Variants in MICAL2 observed in about 807,000 individuals in gnomAD.
The protein encoded by MICAL2 is microtubule associated monooxygenase, calponin and LIM domain containing 2.
In MICAL2, 77 loss-of-function variants were observed where a neutral mutation model predicts 127.3. That is an observed-to-expected ratio of 0.60 (90% CI 0.50 to 0.73). The LOEUF (loss-of-function observed/expected upper bound fraction) is 0.73. Ranked by LOEUF, MICAL2 falls within the 30% of genes least tolerant of loss-of-function variation. The pLI, the probability that MICAL2 is intolerant of heterozygous loss-of-function variation, is 0.00. For missense variants in MICAL2, 1,351 were observed against 1,434.4 expected (o/e 0.94, Z 0.94); for synonymous variants, 570 against 551.1 (o/e 1.03, Z -0.48).
intron 1 of MICAL2, among the ~76,000 whole-genome samples, chr11:12,277,340 G>A (rs1863732680): frequency 6.6e-6 from 1 of 152,096 alleles, no homozygotes; most frequent in South Asian, 2.1e-4. Context: ...GCTACAGCAT[G>A]TCACAAGGCC....
chr11:12,261,302 G>T, intron 26 of MICAL2: 1 of 985,526 alleles, frequency 1.0e-6, no homozygotes, highest in Non-Finnish European at 1.2e-6. Context: ...CTGACCTCCA[G>T]GGGAAGCTCT....
intron 21 of MICAL2, 106 bp downstream of exon 21, chr11:12,244,218 A>T (rs1280221262): frequency 1.4e-6 from 2 of 1,473,640 alleles, no homozygotes; most frequent in African/African-American, 2.8e-5. Context: ...TGGCTGGAAT[A>T]AAAATTTGTA....
chr11:12,204,937 A>C (rs997800178), intron 4 of MICAL2, among the ~76,000 whole-genome samples: 2 of 152,214 alleles, frequency 1.3e-5, no homozygotes, highest in African/African-American at 4.8e-5. Flanking sequence ...AAGACCTTCC[A>C]TACAAAGGAG....
rs117732607 is a variant in MICAL2 at position 12,151,307 on chromosome 11, T to C, written c.-77-10772T>C. 5.9e-3 allele frequency among the ~76,000 whole-genome samples: 894 copies of C among 152,220 alleles called. 13 individuals are homozygous for C. The highest frequency in any genetic ancestry group is 0.053 in the East Asian group (275 of 5,176). On this transcript the variant is annotated intron_variant, in intron 2 of 27. Transcript: ENST00000683283. ...CTTTTGCAGAACACTAAGGTACTAA[T>C]AGAAGGTAAAATGTAAAATGACGGA... is the stretch of plus-strand genomic sequence containing the variant.
exon 35 of MICAL2, chr11:12,358,393 G>A (rs1939161177): frequency 1.2e-6 from 2 of 1,614,050 alleles, no homozygotes; most frequent in African/African-American, 2.7e-5. Context: ...CGATTCCTTA[G>A]AGGAACAACG....
At chr11:12,325,532 T>C (rs1864345007) in intron 31 of MICAL2, among the ~76,000 whole-genome samples, 1 of 152,210 alleles carries the variant, frequency 6.6e-6, no homozygotes, top group Non-Finnish European at 1.5e-5. Flanking sequence ...AGCTGAGAAG[T>C]CCAAGATCAA....
chr11:12,258,598 C>G, intron 25 of MICAL2, 42 bp downstream of exon 25: 1 of 1,569,484 alleles, frequency 6.4e-7, no homozygotes, highest in Non-Finnish European at 8.7e-7. Context: ...GGGAAGGCCC[C>G]TTGATAAGGG....
chr11:12,358,683 CT>C, downstream of MICAL2: 1 of 402,536 alleles, frequency 2.5e-6, no homozygotes, highest in Non-Finnish European at 4.3e-6. Flanking sequence ...AACCCAAAGA[CT>C]CTTTGGCAAT....
intron 3 of MICAL2, among the ~76,000 whole-genome samples, chr11:12,192,294 G>A (rs1253775463): frequency 6.6e-6 from 1 of 152,176 alleles, no homozygotes; most frequent in Non-Finnish European, 1.5e-5. Flanking sequence ...GCAGCCTCCT[G>A]GGCACCCAGG....
At chr11:12,152,133 C>A (rs928695568) in intron 2 of MICAL2, among the ~76,000 whole-genome samples, 81 of 123,450 alleles carry the variant, frequency 6.6e-4, no homozygotes, top group Admixed American at 8.0e-4. Context: ...ACTAAAAATA[C>A]AAAAAAAAAA....
Position 12,191,659 on chromosome 11 carries a change from C to T in MICAL2, c.265-12591C>T, listed in dbSNP as rs562666641. 3.6e-4 allele frequency among the ~76,000 whole-genome samples: 54 copies of T among 152,036 alleles called. 1 individual carries two copies. In the South Asian group the frequency reaches 9.6e-3, roughly 27 times the overall value. On this transcript the variant is annotated intron_variant, in intron 3 of 27. Coordinates refer to ENST00000683283, the MANE Select transcript of MICAL2 (RefSeq NM_001282663.2). ...GTGCACACCTGTAGTCCCAGCTACT[C>T]GGGAAGCTGAGATGGGAGGATTGCT...
intron 1 of MICAL2, among the ~76,000 whole-genome samples, chr11:12,118,992 C>A (rs1054181800): frequency 2.6e-5 from 4 of 152,190 alleles, no homozygotes; most frequent in African/African-American, 9.7e-5. Flanking sequence ...TCTTTCCCTG[C>A]AGAAGGCAGC....
At chr11:12,358,303 A>G in exon 35 of MICAL2, 11 of 1,613,526 alleles carry the variant, frequency 6.8e-6, no homozygotes, top group Non-Finnish European at 9.3e-6. Context: ...AGAGAGCCAG[A>G]AAGATGAGAA....
At position 12,243,979 on chromosome 11, in the gene MICAL2, C is replaced by G; in HGVS notation, c.2659-8C>G. The G allele has an allele frequency of 6.2e-7, 1 of 1,613,666 alleles. No homozygotes were observed. The highest frequency in any genetic ancestry group is 2.2e-5 in the East Asian group (1 of 44,876). ...AATCCTTGTTTCTTCTATTTCTGTT[C>G]TGTGCAGAATAAACTACTCTCTAAA... On this transcript the variant is annotated splice_region_variant and splice_polypyrimidine_tract_variant and intron_variant, in intron 20 of 27. Coordinates refer to ENST00000683283, the MANE Select transcript of MICAL2 (RefSeq NM_001282663.2).
chr11:12,274,141 CTG>C (rs762568589), upstream of MICAL2, among the ~76,000 whole-genome samples: 2 of 152,060 alleles, frequency 1.3e-5, no homozygotes, highest in African/African-American at 2.4e-5. Flanking sequence ...AAGAATGACA[CTG>C]TGGAGAGGGA....
chr11:12,335,784 G>A (rs952132854), intron 32 of MICAL2, among the ~76,000 whole-genome samples: 1 of 152,138 alleles, frequency 6.6e-6, no homozygotes. Context: ...CATTATTTCT[G>A]AGAGCTCTGT....
intron 7 of MICAL2, among the ~76,000 whole-genome samples, chr11:12,215,488 G>A (rs559128530): frequency 6.6e-6 from 1 of 152,314 alleles, no homozygotes; most frequent in East Asian, 1.9e-4. Context: ...ACAGCGTGCT[G>A]GCCCTATCCC....
chr11:12,314,911 A>G (rs1031475843), intron 29 of MICAL2, among the ~76,000 whole-genome samples: 3 of 152,124 alleles, frequency 2.0e-5, no homozygotes, highest in Non-Finnish European at 4.4e-5. Flanking sequence ...CTGAATGTGC[A>G]TGGATTCATG....
chr11:12,295,103 A>G (rs370389308), downstream of MICAL2, among the ~76,000 whole-genome samples: 1 of 151,796 alleles, frequency 6.6e-6, no homozygotes, highest in Non-Finnish European at 1.5e-5. Context: ...CTTTCTTTCC[A>G]TAGGAATATT....
Sources: gnomAD v4.1 joint callset for allele counts (sites outside exome capture counted in the v4.1 genomes callset) on GRCh38, gnomAD v4.1.1 for gene constraint, MANE v1.5 for transcripts, NCBI Gene and HGNC (gene_info 2026-07-23, HGNC 2026-07-21) for gene names.